ADAM32: variants seen among roughly 807,000 people sequenced by gnomAD.
ADAM32 encodes disintegrin and metalloproteinase domain-containing protein 32.
In ADAM32, 89 loss-of-function variants were observed where a neutral mutation model predicts 114.9. That is an observed-to-expected ratio of 0.77 (90% CI 0.65 to 0.92). ADAM32 has a LOEUF of 0.92. ADAM32 is among the 40% of genes least tolerant of loss of function. ADAM32 has a pLI of 0.00. For synonymous variants in ADAM32, 285 were observed against 307.5 expected (o/e 0.93, Z 0.77); for missense variants, 870 against 932.8 (o/e 0.93, Z 0.88).
chr8:39,235,429 C>T (rs1405655058), intron 16 of ADAM32, among the ~76,000 whole-genome samples: 1 of 151,964 alleles, frequency 6.6e-6, no homozygotes, highest in Non-Finnish European at 1.5e-5. Context: ...TATTTTTATG[C>T]ATTCGAGTCA....
At chr8:39,237,185 G>A (rs1343000886) in intron 16 of ADAM32, among the ~76,000 whole-genome samples, 1 of 152,180 alleles carries the variant, frequency 6.6e-6, no homozygotes, top group Non-Finnish European at 1.5e-5. Flanking sequence ...GAAGCAGCGG[G>A]AAGAGCCTTG....
chr8:39,111,724 A>C (rs1310131127), intron 1 of ADAM32, among the ~76,000 whole-genome samples: 6 of 28,440 alleles, frequency 2.1e-4, no homozygotes, highest in Non-Finnish European at 1.1e-3. Flanking sequence ...CTTTCTCAAA[A>C]AAAAAAAAAA....
intron 23 of ADAM32, 143 bp from the exon 24 acceptor site, chr8:39,283,443 A>T: frequency 1.7e-5 from 9 of 521,050 alleles, no homozygotes; most frequent in South Asian, 8.4e-5. Flanking sequence ...AAAATGGAAA[A>T]GAGGTAGAAA....
At chr8:39,112,053 T>C (rs1376121328) in intron 1 of ADAM32, among the ~76,000 whole-genome samples, 1 of 152,150 alleles carries the variant, frequency 6.6e-6, no homozygotes, top group Non-Finnish European at 1.5e-5. Flanking sequence ...TTTAGTAATA[T>C]GTGATTACAT....
intron 6 of ADAM32, among the ~76,000 whole-genome samples, chr8:39,152,105 A>AGTTCC (rs536111044): frequency 6.6e-6 from 1 of 152,156 alleles, no homozygotes; most frequent in Non-Finnish European, 1.5e-5. Context: ...TTAAAAACTC[A>AGTTCC]GTTCCTGCTT....
intron 4 of ADAM32, among the ~76,000 whole-genome samples, chr8:39,147,581 A>G (rs960892294): frequency 3.2e-4 from 48 of 151,954 alleles, no homozygotes; most frequent in Non-Finnish European, 1.0e-4. Flanking sequence ...CATTATTTAT[A>G]CATCCATAAA....
intron 6 of ADAM32, among the ~76,000 whole-genome samples, chr8:39,160,485 A>G (rs1585425236): frequency 7.7e-6 from 1 of 129,758 alleles, no homozygotes; most frequent in African/African-American, 2.9e-5. Context: ...GCTTGCAGTG[A>G]GCTGAGATCG....
At chr8:39,216,135 C>T (rs1393548085) in intron 12 of ADAM32, among the ~76,000 whole-genome samples, 2 of 151,888 alleles carry the variant, frequency 1.3e-5, no homozygotes, top group African/African-American at 4.8e-5. Flanking sequence ...TGAAATGACC[C>T]CTTTGTCATT....
intron 3 of ADAM32, among the ~76,000 whole-genome samples, chr8:39,137,233 A>G (rs1802857855): frequency 6.6e-6 from 1 of 152,192 alleles, no homozygotes; most frequent in South Asian, 2.1e-4. Context: ...CCCAGTTGGG[A>G]AAGGCTGGCT....
chr8:39,277,021 C>A (rs1286041904), intron 22 of ADAM32, among the ~76,000 whole-genome samples: 1 of 151,322 alleles, frequency 6.6e-6, no homozygotes, highest in African/African-American at 2.4e-5. Flanking sequence ...ACCAAACCAA[C>A]AAAAACAGAA....
At chr8:39,153,151 C>A (rs557006126) in intron 6 of ADAM32, among the ~76,000 whole-genome samples, 2 of 151,756 alleles carry the variant, frequency 1.3e-5, no homozygotes, top group African/African-American at 4.8e-5. Flanking sequence ...TCTGTGTAGA[C>A]GGCAATCCTA....
chr8:39,209,648 G>A (rs1564606562), intron 11 of ADAM32, among the ~76,000 whole-genome samples: 1 of 152,132 alleles, frequency 6.6e-6, no homozygotes, highest in Non-Finnish European at 1.5e-5. Flanking sequence ...AGTACTGACT[G>A]ATGAGTTAAG....
chr8:39,209,083 C>T (rs138180989), intron 11 of ADAM32, among the ~76,000 whole-genome samples: 1,751 of 152,018 alleles, frequency 0.012, 11 homozygotes, highest in African/African-American at 0.016. Flanking sequence ...TTTTCTACCC[C>T]CTTTCTCTTC....
Position 39,275,848 on chromosome 8 carries a change from G to A in ADAM32, c.2261G>A (p.Ser754Asn). Reference sequence around the variant, plus strand: ...TTTAGAACCAGATCAGAAAGCAGCAGTCAAGCTGATACTAGCAAGTAAGTG... The same window carrying A: ...TTTAGAACCAGATCAGAAAGCAGCAATCAAGCTGATACTAGCAAGTAAGTG... ...YASQTRSESSSQADTSKSKSE... is the reference protein window; with the variant it reads ...YASQTRSESSNQADTSKSKSE... Residue 754 changes from serine (S) to asparagine (N), a missense_variant, in exon 22 of 25, where the codon AGT becomes AAT. Physicochemically the swap from Ser to Asn is conservative, Grantham distance 46. Transcript: ENST00000379907. The A allele has an allele frequency of 6.4e-7, 1 of 1,561,684 alleles. No homozygotes were observed. The highest frequency in any genetic ancestry group is 1.9e-5 in the Admixed American group (1 of 52,792).
rs755475378 is a variant in ADAM32, at chr8:39,275,307, T to TTC, written c.2241-509_2241-508dup. ...TTGTATTTACCTTTCGCATTTTCAA[T>TTC]TCTCTCTCTCTCTGTTACTATCACT... On this transcript the variant is annotated intron_variant, in intron 21 of 24. Coordinates refer to ENST00000379907, the MANE Select transcript of ADAM32 (RefSeq NM_145004.7). 3.9e-5 allele frequency among the ~76,000 whole-genome samples: 6 copies of TTC among 152,138 alleles called. No homozygotes were observed. The South Asian group carries it at 1.2e-3, about 32-fold the overall frequency.
intron 9 of ADAM32, chr8:39,168,558 A>G (rs1385595994): frequency 6.6e-6 from 1 of 152,136 alleles, no homozygotes; most frequent in African/African-American, 2.4e-5. Flanking sequence ...GGCTCCCAAC[A>G]CTACATGAAA....
intron 2 of ADAM32, among the ~76,000 whole-genome samples, chr8:39,135,599 G>A (rs1342106624): frequency 2.0e-5 from 3 of 152,214 alleles, no homozygotes; most frequent in Middle Eastern, 6.8e-3. Context: ...ATTTCAACTA[G>A]TTTGTCTTCT....
chr8:39,175,003 G>A (rs1805433552), intron 10 of ADAM32, among the ~76,000 whole-genome samples: 1 of 151,848 alleles, frequency 6.6e-6, no homozygotes. Context: ...TGTTGGTGTA[G>A]GAGTGCTAGT....
chr8:39,263,486 T>G (rs1812170301), intron 19 of ADAM32, among the ~76,000 whole-genome samples: 1 of 152,214 alleles, frequency 6.6e-6, no homozygotes, highest in Admixed American at 6.5e-5. Context: ...TGGTGGTGGT[T>G]GTTCTCTATT....
Sources: allele counts gnomAD v4.1 joint callset (sites outside exome capture counted in the v4.1 genomes callset), GRCh38; gene constraint gnomAD v4.1.1; transcripts MANE v1.5; gene names NCBI Gene and HGNC (gene_info 2026-07-23, HGNC 2026-07-21).